RAB6A: variants seen among roughly 807,000 people sequenced by gnomAD.
RAB6A encodes the protein ras-related protein Rab-6A.
Under a neutral mutation model 32.3 loss-of-function variants are expected in RAB6A, and 8 were observed. That is an observed-to-expected ratio of 0.25 (90% confidence interval 0.15 to 0.45). The LOEUF (loss-of-function observed/expected upper bound fraction) is 0.45. Among genes scored for constraint, RAB6A ranks in the 20% least tolerant of loss-of-function variants. The pLI, the probability that RAB6A is intolerant of heterozygous loss-of-function variation, is 1.00. For synonymous variants in RAB6A, 73 were observed against 82.1 expected (o/e 0.89, Z 0.60); for missense variants, 104 against 249.4 (o/e 0.42, Z 3.93).
rs543585284 is a variant in RAB6A, at chr11:73,723,169, G to C, written c.130-2270C>G. 2.6e-5 allele frequency among the ~76,000 whole-genome samples: 4 copies of C among 152,076 alleles called. No homozygotes were observed. The South Asian group carries it at 8.3e-4, about 32-fold the overall frequency. ...GTACTGTGTAAGGTACTAGAGTGATGAACAAACATGCAGTTAGTCTCTACC... is the reference window on the plus strand; with the variant it reads ...GTACTGTGTAAGGTACTAGAGTGATCAACAAACATGCAGTTAGTCTCTACC... On this transcript the variant is annotated intron_variant, in intron 2 of 7. Transcript: ENST00000336083.
intron 6 of RAB6A, among the ~76,000 whole-genome samples, chr11:73,695,386 T>TTG (rs1565350356): frequency 1.3e-5 from 2 of 151,582 alleles, no homozygotes; most frequent in Admixed American, 1.3e-4. Flanking sequence ...TTTGTTTTTT[T>TTG]TTTTCTTTTT....
chr11:73,677,567 CATACTGTTGAG>C lies in RAB6A; in HGVS notation c.*320_*330del. 1 of 558,852 alleles carries C rather than the reference CATACTGTTGAG, an allele frequency of 1.8e-6. No homozygotes were observed. Among genetic ancestry groups the C allele is most frequent in the Non-Finnish European group, 3.1e-6 (1 of 317,590 alleles). 34.6% of individuals were successfully genotyped at this position (558,852 alleles called of 1,614,324 possible). A position where few individuals can be genotyped will look rare whatever the true frequency, so the allele number is the denominator to read the frequency against. On this transcript the variant is annotated 3_prime_UTR_variant, in exon 8 of 8. Transcript: ENST00000336083. Reference sequence around the variant, plus strand: ...TACCGCTCGTTAACCAAGCCATACTCATACTGTTGAGATTTCCATCATTTTGAAGTACATTA... The same window carrying C: ...TACCGCTCGTTAACCAAGCCATACTCATTTCCATCATTTTGAAGTACATTA...
chr11:73,698,199 T>A (rs1265282369), intron 6 of RAB6A, among the ~76,000 whole-genome samples: 3 of 152,046 alleles, frequency 2.0e-5, no homozygotes, highest in African/African-American at 7.2e-5. Context: ...CCAGCCTGGG[T>A]GACAGAGTGA....
At chr11:73,739,278 A>ATATATATAT (rs1448381477) in intron 1 of RAB6A, among the ~76,000 whole-genome samples, 3 of 18,834 alleles carry the variant, frequency 1.6e-4, no homozygotes, top group Non-Finnish European at 3.0e-4. Flanking sequence ...AAAAAAAAAA[A>ATATATATAT]AAAAAAATAT....
rs1017821912 is a variant in RAB6A at position 73,761,007 on chromosome 11, G to C, written c.-372C>G. The C allele has an allele frequency of 1.0e-5, 2 of 200,406 alleles. No individual in the cohort carries two copies. The highest frequency in any genetic ancestry group is 2.5e-4 in the East Asian group (2 of 8,146). The allele number at this position is 200,406 out of a possible 1,614,324, so 12.4% of individuals were successfully genotyped here. ...CGGAGCCGGAACCGCAGACGTATCTGGGACCTCTCACGCGCAGCGCCTGAG... is the reference window on the plus strand; with the variant it reads ...CGGAGCCGGAACCGCAGACGTATCTCGGACCTCTCACGCGCAGCGCCTGAG... On this transcript the variant is annotated 5_prime_UTR_variant, in exon 1 of 8. Transcript: ENST00000336083.
rs192441394 is a variant in RAB6A, at chr11:73,734,529, T to C, written c.71-3706A>G. On this transcript the variant is annotated intron_variant, in intron 1 of 7. Coordinates refer to ENST00000336083, the MANE Select transcript of RAB6A (RefSeq NM_198896.2). ...TTTTTGGCACCAGGGACCAGTTTCA[T>C]GGAAGACAGTTTTTCTGTGGGAGTT... Among the ~76,000 whole-genome samples, 379 of 152,348 alleles carry C rather than the reference T, an allele frequency of 2.5e-3. 1 individual carries two copies. The highest frequency in any genetic ancestry group is 3.9e-3 in the Non-Finnish European group (262 of 68,036).
At chr11:73,727,154 A>T (rs952708780) in intron 2 of RAB6A, among the ~76,000 whole-genome samples, 2 of 152,188 alleles carry the variant, frequency 1.3e-5, no homozygotes, top group African/African-American at 4.8e-5. Context: ...TTGGCCAGGC[A>T]TGCTGGCTCA....
chr11:73,726,625 T>C (rs1412213475), intron 2 of RAB6A, among the ~76,000 whole-genome samples: 3 of 118,042 alleles, frequency 2.5e-5, no homozygotes. Context: ...GGTGCACACC[T>C]GTAGTTCCAG....
intron 1 of RAB6A, among the ~76,000 whole-genome samples, chr11:73,732,368 C>T (rs1590873561): frequency 6.6e-6 from 1 of 151,956 alleles, no homozygotes; most frequent in Non-Finnish European, 1.5e-5. Flanking sequence ...GGGCGGATCA[C>T]GAGGTCAGGA....
chr11:73,687,726 C>T (rs1048981059), intron 6 of RAB6A, among the ~76,000 whole-genome samples: 1 of 151,966 alleles, frequency 6.6e-6, no homozygotes, highest in Non-Finnish European at 1.5e-5. Flanking sequence ...GTGTGGTGAC[C>T]GATGCCTGTA....
intron 1 of RAB6A, among the ~76,000 whole-genome samples, chr11:73,735,985 C>T (rs189703359): frequency 3.2e-4 from 48 of 148,340 alleles, no homozygotes; most frequent in African/African-American, 1.2e-3. Flanking sequence ...TACAATTCAC[C>T]TACTTTTTTT....
intron 6 of RAB6A, among the ~76,000 whole-genome samples, chr11:73,686,059 G>C (rs1384198505): frequency 6.6e-6 from 1 of 152,056 alleles, no homozygotes; most frequent in South Asian, 2.1e-4. Context: ...GCTCAATTCT[G>C]CTTTAAAAAG....
intron 6 of RAB6A, among the ~76,000 whole-genome samples, chr11:73,694,492 C>G (rs1461310217): frequency 6.6e-6 from 1 of 152,158 alleles, no homozygotes; most frequent in Non-Finnish European, 1.5e-5. Flanking sequence ...GAAGAAACAG[C>G]TAATAATCTT....
In RAB6A at chr11:73,695,193, C is replaced by A. The variant is rs1294546300; in HGVS notation, c.495+12227G>T. Among the ~76,000 whole-genome samples the A allele has an allele frequency of 2.0e-5, 3 of 151,982 alleles. No individual in the cohort carries two copies. The East Asian group carries it at 5.8e-4, about 29-fold the overall frequency. On this transcript the variant is annotated intron_variant, in intron 6 of 7. Coordinates refer to ENST00000336083, the MANE Select transcript of RAB6A (RefSeq NM_198896.2). ...CCCAAAGTGGGCCAAAAAAACTTTA[C>A]AAAGGTTTTCAAATTCAAACTTACT...
intron 1 of RAB6A, among the ~76,000 whole-genome samples, chr11:73,737,932 G>A (rs780476340): frequency 3.6e-5 from 5 of 139,954 alleles, no homozygotes; most frequent in African/African-American, 5.3e-5. Flanking sequence ...GGAGGCGGAG[G>A]TTGCAGTGAG....
In RAB6A at chr11:73,722,303, G is replaced by GTC. The variant is rs1565364731; in HGVS notation, c.130-1405_130-1404insGA. On this transcript the variant is annotated intron_variant, in intron 2 of 7. Transcript: ENST00000336083. Reference sequence around the variant, plus strand: ...ATAAAATTCAAATATATATGTGTGTGTGTATATATATATATATATATATAT... The same window carrying GTC: ...ATAAAATTCAAATATATATGTGTGTGTCTGTATATATATATATATATATATAT... 48 of 13,928 alleles carry GTC rather than the reference G, an allele frequency of 3.4e-3. 3 individuals are homozygous for GTC. Among genetic ancestry groups the GTC allele is most frequent in the African/African-American group, 9.5e-3 (45 of 4,716 alleles). 0.9% of individuals were successfully genotyped at this position (13,928 alleles called of 1,614,324 possible).
chr11:73,699,996 C>G (rs921696443), intron 6 of RAB6A, among the ~76,000 whole-genome samples: 6 of 152,188 alleles, frequency 3.9e-5, no homozygotes, highest in African/African-American at 1.4e-4. Context: ...CCTGTTAGAG[C>G]TGATGCCCAT....
At chr11:73,680,384 C>A (rs551451490) in intron 6 of RAB6A, among the ~76,000 whole-genome samples, 9 of 152,140 alleles carry the variant, frequency 5.9e-5, no homozygotes, top group African/African-American at 2.2e-4. Flanking sequence ...GGGCTGGACG[C>A]GGTGGCTCAC....
chr11:73,742,947 A>G (rs1178330695), intron 1 of RAB6A, among the ~76,000 whole-genome samples: 2 of 152,178 alleles, frequency 1.3e-5, no homozygotes, highest in Non-Finnish European at 2.9e-5. Context: ...CTGACCTGAA[A>G]GGAGCTTACA....
Sources: allele counts gnomAD v4.1 joint callset (sites outside exome capture counted in the v4.1 genomes callset), GRCh38; gene constraint gnomAD v4.1.1; transcripts MANE v1.5; gene names NCBI Gene and HGNC (gene_info 2026-07-23, HGNC 2026-07-21).